The following SLIT1 variants were observed in gnomAD, a reference collection of about 807,000 sequenced individuals.
SLIT1 encodes the protein slit guidance ligand 1.
A neutral mutation model predicts 186.1 loss-of-function variants in SLIT1; 66 were observed. That is an observed-to-expected ratio of 0.35 (90% CI 0.29 to 0.44). SLIT1 has a LOEUF of 0.44. SLIT1 is among the 20% of genes least tolerant of loss of function. SLIT1 has a pLI of 1.00. For missense variants in SLIT1, 1,638 were observed against 2,037.4 expected (o/e 0.80, Z 3.77); for synonymous variants, 761 against 833.8 (o/e 0.91, Z 1.50).
intron 4 of SLIT1, among the ~76,000 whole-genome samples, chr10:97,082,102 G>T (rs894353083): frequency 6.6e-6 from 1 of 152,220 alleles, no homozygotes; most frequent in Non-Finnish European, 1.5e-5. Context: ...CTTCTATATG[G>T]GGTGAAGCTG....
At chr10:97,094,534 C>A (rs1217894851) in intron 4 of SLIT1, among the ~76,000 whole-genome samples, 1 of 152,142 alleles carries the variant, frequency 6.6e-6, no homozygotes, top group Non-Finnish European at 1.5e-5. Flanking sequence ...GGCCATGTGG[C>A]CCCTAATTAG....
intron 25 of SLIT1, among the ~76,000 whole-genome samples, chr10:97,030,431 C>T (rs1564657113): frequency 1.3e-5 from 2 of 152,144 alleles, no homozygotes; most frequent in African/African-American, 4.8e-5. Context: ...ATCCATTTCC[C>T]GGTGTGAAAG....
intron 4 of SLIT1, among the ~76,000 whole-genome samples, chr10:97,149,987 T>C (rs2784925): frequency 0.97 from 148,254 of 152,222 alleles, 72,209 homozygotes; most frequent in East Asian, 0.99. Flanking sequence ...CCCAAATTGT[T>C]TAACCAAGGA....
At chr10:97,054,070 C>T (rs1005361281) in intron 13 of SLIT1, among the ~76,000 whole-genome samples, 5 of 151,812 alleles carry the variant, frequency 3.3e-5, no homozygotes, top group Non-Finnish European at 5.9e-5. Flanking sequence ...GTGGGCTGGA[C>T]GAGTATGGCA....
At chr10:97,181,984 C>CT (rs1454765116) in intron 1 of SLIT1, among the ~76,000 whole-genome samples, 3 of 152,206 alleles carry the variant, frequency 2.0e-5, no homozygotes, top group African/African-American at 7.2e-5. Context: ...AAAAAAATAA[C>CT]TTAATGGTGA....
In SLIT1 at chr10:97,185,689, G is replaced by A. The variant is rs1318491625; in HGVS notation, c.-15C>T. On this transcript the variant is annotated 5_prime_UTR_variant, in exon 1 of 37. It adds an upstream start codon to the 5' untranslated region. Coordinates refer to ENST00000266058, the MANE Select transcript of SLIT1 (RefSeq NM_003061.3). ...GTCAGCGCCATGGTGCCCTCACAGC[G>A]TCCCGCTCGCGAGCCAGACGGCAGC... 6 of 1,488,138 alleles carry A rather than the reference G, an allele frequency of 4.0e-6. No homozygotes were observed. The Admixed American group carries it at 9.2e-5, about 23-fold the overall frequency. The allele number at this position is 1,488,138 out of a possible 1,614,324, so 92.2% of individuals were successfully genotyped here.
chr10:97,008,150 T>G (rs952420576), intron 31 of SLIT1, among the ~76,000 whole-genome samples: 2 of 152,186 alleles, frequency 1.3e-5, no homozygotes, highest in African/African-American at 4.8e-5. Context: ...AGTAAAATGC[T>G]ATTAGAATTA....
Position 97,068,415 on chromosome 10 carries a change from TCCCTCC to T in SLIT1, c.414-2335_414-2330del. ...AGAGTGGGCACCAACATCTATGTGC[TCCCTCC>T]CCCAAACCCAGCCCCTCTGTCCTGT... On this transcript the variant is annotated intron_variant, in intron 4 of 36. Coordinates refer to ENST00000266058, the MANE Select transcript of SLIT1 (RefSeq NM_003061.3). This position sits in a 1 kb window ranked among gnomAD's most constrained non-coding sequence, Gnocchi z 4.2. Among the ~76,000 whole-genome samples the T allele has an allele frequency of 6.6e-6, 1 of 152,154 alleles. No homozygotes were observed. Among genetic ancestry groups the T allele is most frequent in the South Asian group, 2.1e-4 (1 of 4,814 alleles).
At chr10:97,036,235 G>C (rs1334374966) in intron 22 of SLIT1, among the ~76,000 whole-genome samples, 1 of 152,126 alleles carries the variant, frequency 6.6e-6, no homozygotes, top group African/African-American at 2.4e-5. Context: ...GTGCTCTACT[G>C]AATGTTCAAC....
chr10:97,082,466 G>C (rs186431793), intron 4 of SLIT1, among the ~76,000 whole-genome samples: 2 of 152,004 alleles, frequency 1.3e-5, no homozygotes, highest in African/African-American at 4.8e-5. Flanking sequence ...GAGGAGTCTC[G>C]CTCTGTTGCC....
chr10:97,014,865 C>CA lies in SLIT1; in HGVS notation c.2970-708dup, dbSNP rs60054761. On this transcript the variant is annotated intron_variant, in intron 28 of 36. Transcript: ENST00000266058. The stretch of plus-strand genomic sequence containing the variant: ...TGGGTGACACAGCAAGACTCTGTCT[C>CA]AAAAAAAAAAAAAAAGCCTAGAGTG... Among the ~76,000 whole-genome samples, 1,102 of 111,560 alleles carry CA rather than the reference C, an allele frequency of 9.9e-3. 11 individuals are homozygous for CA. The highest frequency in any genetic ancestry group is 0.029 in the African/African-American group (887 of 30,862). 73.2% of individuals were successfully genotyped at this position (111,560 alleles called of 152,430 possible). A position where few individuals can be genotyped will look rare whatever the true frequency, so the allele number is the denominator to read the frequency against.
intron 36 of SLIT1, among the ~76,000 whole-genome samples, chr10:97,001,740 GC>G (rs1848311981): frequency 6.6e-6 from 1 of 152,116 alleles, no homozygotes; most frequent in South Asian, 2.1e-4. Flanking sequence ...GCTTCTCCCT[GC>G]CCAGCCTTAG....
At chr10:97,113,662 C>G (rs1260846290) in intron 4 of SLIT1, among the ~76,000 whole-genome samples, 1 of 152,012 alleles carries the variant, frequency 6.6e-6, no homozygotes, top group Non-Finnish European at 1.5e-5. Flanking sequence ...AAGAGTTTCT[C>G]CTGCCTCAGC....
In SLIT1 at chr10:97,163,808, GCAGGCAGCA is replaced by G. The variant is rs536632099; in HGVS notation, c.270-366_270-358del. On this transcript the variant is annotated intron_variant, in intron 2 of 36. Transcript: ENST00000266058. ...AGGCTCCAGGGAGCCAGGCCCAGCAGCAGGCAGCACAGGCTGGCTTGAGCTGCTGGCGCA... is the reference window on the plus strand; with the variant it reads ...AGGCTCCAGGGAGCCAGGCCCAGCAGCAGGCTGGCTTGAGCTGCTGGCGCA... Among the ~76,000 whole-genome samples the G allele has an allele frequency of 2.7e-4, 41 of 152,384 alleles. 1 individual carries two copies. In the East Asian group the frequency reaches 7.5e-3, roughly 28 times the overall value.
intron 4 of SLIT1, among the ~76,000 whole-genome samples, chr10:97,079,122 C>G (rs934145548): frequency 6.6e-6 from 1 of 152,222 alleles, no homozygotes; most frequent in Non-Finnish European, 1.5e-5. Flanking sequence ...CTCTCTGAGT[C>G]TGGTTACTCA....
chr10:97,038,259 C>T (rs1848659286), intron 21 of SLIT1, among the ~76,000 whole-genome samples: 1 of 152,188 alleles, frequency 6.6e-6, no homozygotes, highest in African/African-American at 2.4e-5. Flanking sequence ...CTTCCAGGCT[C>T]CGCACCCTGA....
chr10:97,162,784 G>A (rs918999016), intron 3 of SLIT1, among the ~76,000 whole-genome samples: 4 of 151,968 alleles, frequency 2.6e-5, no homozygotes, highest in South Asian at 2.1e-4. Context: ...GGCGACCACC[G>A]TGAACATGAT....
intron 20 of SLIT1, among the ~76,000 whole-genome samples, chr10:97,040,848 G>A (rs1416897211): frequency 3.9e-5 from 6 of 152,148 alleles, no homozygotes; most frequent in Admixed American, 6.5e-5. Context: ...ATATCACCAC[G>A]GTCGGAGTTC....
chr10:97,118,765 A>G (rs1481256477), intron 4 of SLIT1, among the ~76,000 whole-genome samples: 2 of 152,178 alleles, frequency 1.3e-5, no homozygotes, highest in Non-Finnish European at 2.9e-5. Context: ...TGAACTATAC[A>G]TAATTTCCTC....
Sources: allele counts gnomAD v4.1 joint callset (sites outside exome capture counted in the v4.1 genomes callset), GRCh38; gene constraint gnomAD v4.1.1; non-coding constraint Gnocchi (gnomAD v3.1); transcripts MANE v1.5; gene names NCBI Gene and HGNC (gene_info 2026-07-23, HGNC 2026-07-21).